The following PCDHGA11 variants were observed in gnomAD, a reference collection of about 807,000 sequenced individuals.
PCDHGA11 encodes protocadherin gamma subfamily A, 11.
In PCDHGA11, 39 loss-of-function variants were observed where a neutral mutation model predicts 60.4. The observed-to-expected ratio is 0.65, with a 90% CI of 0.50 to 0.84. The LOEUF (loss-of-function observed/expected upper bound fraction) is 0.84. Ranked by LOEUF, PCDHGA11 falls within the 40% of genes least tolerant of loss-of-function variation. The pLI is 0.00. For missense variants in PCDHGA11, 1,165 were observed against 1,197.7 expected (o/e 0.97, Z 0.40); for synonymous variants, 533 against 510.3 (o/e 1.04, Z -0.60).
At chr5:141,459,035 AC>A (rs1337856322) in intron 1 of PCDHGA11, among the ~76,000 whole-genome samples, 1 of 152,218 alleles carries the variant, frequency 6.6e-6, no homozygotes, top group Non-Finnish European at 1.5e-5. Flanking sequence ...ATCCAGCCTT[AC>A]CAGCTATATT....
intron 3 of PCDHGA11, among the ~76,000 whole-genome samples, chr5:141,509,952 C>T (rs954730777): frequency 7.2e-5 from 11 of 152,186 alleles, no homozygotes; most frequent in African/African-American, 2.2e-4. Flanking sequence ...CAAATGCTAC[C>T]GGGTATGGCC....
chr5:141,449,588 CAAAAAAAAAAA>C (rs768743917), intron 1 of PCDHGA11, among the ~76,000 whole-genome samples: 1 of 57,492 alleles, frequency 1.7e-5, no homozygotes, highest in Non-Finnish European at 3.7e-5. Flanking sequence ...GACTCTGTCT[CAAAAAAAAAAA>C]AAAAAAAAGT....
rs2099612736 is a variant in PCDHGA11 at position 141,485,393 on chromosome 5, C to T, written c.2434-9414C>T. The T allele has an allele frequency of 6.2e-7, 1 of 1,614,154 alleles. No homozygotes were observed. The highest frequency in any genetic ancestry group is 1.7e-5 in the Admixed American group (1 of 60,020). ...GGTCGCTGGAGAGGTGAACCAAAGA[C>T]ACTTCCGTGTGGATTTGGACAGCGG... On this transcript the variant is annotated intron_variant, in intron 1 of 3. Coordinates refer to ENST00000398587, the MANE Select transcript of PCDHGA11 (RefSeq NM_018914.3). The surrounding 1 kb of genome is among the most constrained non-coding windows in gnomAD (Gnocchi z 5.7).
At position 141,485,260 on chromosome 5, in the gene PCDHGA11, G is replaced by A. The variant is rs773919574; in HGVS notation, c.2434-9547G>A. On this transcript the variant is annotated intron_variant, in intron 1 of 3. Transcript: ENST00000398587. This position sits in a 1 kb window ranked among gnomAD's most constrained non-coding sequence, Gnocchi z 5.7. ...TTTACCACCTGGGTTACGTTTGTGG[G>A]CAGATCCGCTACCCGGTCCCAGAGG... The A allele has an allele frequency of 8.7e-6, 14 of 1,614,002 alleles. No individual in the cohort carries two copies. In the African/African-American group the frequency reaches 1.5e-4, roughly 17 times the overall value.
chr5:141,478,315 A>G, intron 1 of PCDHGA11: 1 of 1,613,998 alleles, frequency 6.2e-7, no homozygotes, highest in Non-Finnish European at 8.5e-7. Flanking sequence ...CGGTGAGCTC[A>G]CTGTACCGAA....
intron 1 of PCDHGA11, among the ~76,000 whole-genome samples, chr5:141,438,149 A>G (rs1441404688): frequency 6.6e-6 from 1 of 152,220 alleles, no homozygotes; most frequent in African/African-American, 2.4e-5. Context: ...TAGCCAGCCT[A>G]TGGCAAAGCT....
At chr5:141,426,898 C>T (rs1246109323) in intron 1 of PCDHGA11, 1 of 456,634 alleles carries the variant, frequency 2.2e-6, no homozygotes, top group African/African-American at 2.0e-5. Flanking sequence ...CAACAGAGCT[C>T]TCATCTCCTG....
In PCDHGA11 at chr5:141,431,892, A is replaced by G. The variant is rs1456048000; in HGVS notation, c.2433+8232A>G. The G allele has an allele frequency of 2.1e-5, 34 of 1,614,054 alleles. No homozygotes were observed. Among genetic ancestry groups the G allele is most frequent in the Non-Finnish European group, 2.7e-5 (32 of 1,179,972 alleles). ...AATGTAAATGACCAAGATTCTGAGG[A>G]AAACGGACAGGTGATCTGTTTCATC... is the stretch of plus-strand genomic sequence containing the variant. On this transcript the variant is annotated intron_variant, in intron 1 of 3. Transcript: ENST00000398587. The surrounding 1 kb of genome is among the most constrained non-coding windows in gnomAD (Gnocchi z 4.8).
At chr5:141,480,240 CAAA>C (rs11374694) in intron 1 of PCDHGA11, among the ~76,000 whole-genome samples, 1 of 114,046 alleles carries the variant, frequency 8.8e-6, no homozygotes, top group African/African-American at 3.3e-5. Flanking sequence ...CCTGTCTCTA[CAAA>C]AAAAAAAAAA....
At chr5:141,462,698 G>A (rs2099045237) in intron 1 of PCDHGA11, among the ~76,000 whole-genome samples, 1 of 152,062 alleles carries the variant, frequency 6.6e-6, no homozygotes. Context: ...ATTTATAATG[G>A]AGGTTTTAAA....
rs776348214 is a variant in PCDHGA11 at position 141,487,781 on chromosome 5, G to A, written c.2434-7026G>A. 108 of 1,526,850 alleles carry A rather than the reference G, an allele frequency of 7.1e-5. No individual in the cohort carries two copies. Among genetic ancestry groups the A allele is most frequent in the East Asian group, 3.7e-4 (15 of 40,622 alleles). 94.6% of individuals were successfully genotyped at this position (1,526,850 alleles called of 1,614,324 possible). On this transcript the variant is annotated intron_variant, in intron 1 of 3. Coordinates refer to ENST00000398587, the MANE Select transcript of PCDHGA11 (RefSeq NM_018914.3). This position sits in a 1 kb window ranked among gnomAD's most constrained non-coding sequence, Gnocchi z 5.0. ...AGACGCTGTGCTTTGTAACTGTTTC[G>A]TGAATTAACCAGAGTTGTCACAGTT... is the stretch of plus-strand genomic sequence containing the variant.
In PCDHGA11 at chr5:141,511,284, G is replaced by A; in HGVS notation, c.*111G>A. Reference sequence around the variant, plus strand: ...AGGGCTAACCCCCAGAATACTGGTAGGGGCCAAGGCCATGCTCCCCTTGGG... The same window carrying A: ...AGGGCTAACCCCCAGAATACTGGTAAGGGCCAAGGCCATGCTCCCCTTGGG... On this transcript the variant is annotated 3_prime_UTR_variant, in exon 4 of 4. Coordinates refer to ENST00000398587, the MANE Select transcript of PCDHGA11 (RefSeq NM_018914.3). 6.5e-7 allele frequency: 1 copy of A among 1,528,376 alleles called. No individual in the cohort carries two copies. The highest frequency in any genetic ancestry group is 1.4e-5 in the African/African-American group (1 of 72,796). The allele number at this position is 1,528,376 out of a possible 1,614,324, so 94.7% of individuals were successfully genotyped here.
chr5:141,509,586 T>A (rs2154594569), intron 3 of PCDHGA11, among the ~76,000 whole-genome samples: 1 of 152,302 alleles, frequency 6.6e-6, no homozygotes, highest in East Asian at 1.9e-4. Flanking sequence ...ACAAATCAGC[T>A]GGCAATTCCG....
chr5:141,423,226 G>A lies in PCDHGA11; in HGVS notation c.1999G>A (p.Asp667Asn), dbSNP rs775936938. Residue 667 changes from aspartate (D) to asparagine (N), a missense_variant, in exon 1 of 4, where the codon GAC becomes AAC. By Grantham distance (23) the Asp-to-Asn change is conservative (BLOSUM62 1). Coordinates refer to ENST00000398587, the MANE Select transcript of PCDHGA11 (RefSeq NM_018914.3). The stretch of plus-strand genomic sequence containing the variant: ...CGTCACGCTCACCGTGGCTGTGGCC[G>A]ACAGCATCCCCGAAGTCCTGGCGGA... The part of the protein sequence containing the change: ...ATVTLTVAVA[D>N]SIPEVLADLG... The A allele has an allele frequency of 2.2e-5, 36 of 1,613,708 alleles. No homozygotes were observed. The highest frequency in any genetic ancestry group is 2.6e-5 in the Non-Finnish European group (31 of 1,180,034).
intron 1 of PCDHGA11, among the ~76,000 whole-genome samples, chr5:141,439,341 G>A (rs1464427300): frequency 6.6e-6 from 1 of 152,166 alleles, no homozygotes; most frequent in East Asian, 1.9e-4. Context: ...AAGATTCTAA[G>A]CCTACAAATA....
intron 3 of PCDHGA11, among the ~76,000 whole-genome samples, chr5:141,509,139 A>G (rs1042555376): frequency 2.6e-5 from 4 of 152,140 alleles, no homozygotes; most frequent in African/African-American, 9.7e-5. Flanking sequence ...ACCGAGGCGC[A>G]TCCCGGCTCT....
chr5:141,436,856 G>A (rs942357563), intron 1 of PCDHGA11, among the ~76,000 whole-genome samples: 2 of 152,246 alleles, frequency 1.3e-5, no homozygotes, highest in Admixed American at 1.3e-4. Context: ...TGATTGAGAA[G>A]CCACAGTTTT....
At chr5:141,472,786 G>A (rs549389294) in intron 1 of PCDHGA11, among the ~76,000 whole-genome samples, 1 of 151,888 alleles carries the variant, frequency 6.6e-6, no homozygotes, top group Non-Finnish European at 1.5e-5. Flanking sequence ...GGGAGTTCAA[G>A]ATCAGCCTGA....
At chr5:141,461,063 C>T (rs1472437531) in intron 1 of PCDHGA11, among the ~76,000 whole-genome samples, 1 of 151,796 alleles carries the variant, frequency 6.6e-6, no homozygotes, top group Non-Finnish European at 1.5e-5. Flanking sequence ...GTTGGTTTCA[C>T]ATTTTTGCAA....
Sources: allele counts gnomAD v4.1 joint callset (sites outside exome capture counted in the v4.1 genomes callset), GRCh38; gene constraint gnomAD v4.1.1; non-coding constraint Gnocchi (gnomAD v3.1); transcripts MANE v1.5; gene names NCBI Gene and HGNC (gene_info 2026-07-23, HGNC 2026-07-21).